The following PKD1L1 variants were observed in gnomAD, a reference collection of about 807,000 sequenced individuals.
The protein encoded by PKD1L1 is polycystin 1 like 1, transient receptor potential channel interacting.
PKD1L1 carries 236 observed loss-of-function variants against 323.4 expected under a neutral mutation model. The ratio of observed to expected loss-of-function variants is 0.73; its 90% confidence interval spans 0.66 to 0.81. The LOEUF (loss-of-function observed/expected upper bound fraction) is 0.81, where lower values mean the gene tolerates loss of function less well. PKD1L1 is among the 40% of genes least tolerant of loss of function. The probability of loss-of-function intolerance (pLI) is 0.00; values close to 1 mark genes in which losing one functional copy is unlikely to be tolerated. For missense variants in PKD1L1, 3,320 were observed against 3,508.0 expected, an observed-to-expected ratio of 0.95 and a Z score of 1.35; for synonymous variants, 1,344 against 1,335.0, an observed-to-expected ratio of 1.01 and a Z score of -0.15.
intron 56 of PKD1L1, among the ~76,000 whole-genome samples, chr7:47,779,855 T>A (rs963581265): frequency 6.6e-6 from 1 of 152,266 alleles, no homozygotes; most frequent in Admixed American, 6.5e-5. Flanking sequence ...GGATAAACCA[T>A]GGGCTGGGTG....
rs897896232 is a variant in PKD1L1, at chr7:47,946,373, TCACAC to T, written c.44+2019_44+2023del. ...TACCACACAAACACACACCACACAC[TCACAC>T]CACACCACACTCACACCACACAAAC... On this transcript the variant is annotated intron_variant, in intron 1 of 56. Coordinates refer to ENST00000289672, the MANE Select transcript of PKD1L1 (RefSeq NM_138295.5). This position sits in a 1 kb window ranked among gnomAD's most constrained non-coding sequence, Gnocchi z 4.1. Among the ~76,000 whole-genome samples, 19 of 147,976 alleles carry T rather than the reference TCACAC, an allele frequency of 1.3e-4. No individual in the cohort carries two copies. The highest frequency in any genetic ancestry group is 1.8e-4 in the Non-Finnish European group (12 of 66,844).
chr7:47,854,330 C>G (rs1006492986), intron 30 of PKD1L1, among the ~76,000 whole-genome samples: 2 of 152,028 alleles, frequency 1.3e-5, no homozygotes, highest in Non-Finnish European at 2.9e-5. Context: ...TGATCAAGGC[C>G]CTGCCCATCC....
rs139117336 is a variant in PKD1L1 at position 47,858,698 on chromosome 7, A to G, written c.4337T>C (p.Ile1446Thr). ...KEEVYRHEEG[I>T]TVISDLLLGC... ...CAACAATAAATCTGAGATGACTGTA[A>G]TTCCTTCTTCATGTCGATAGACTTC... Residue 1446 changes from isoleucine to threonine, a missense_variant, in exon 27 of 57, where the codon ATT becomes ACT. Coordinates refer to ENST00000289672, the MANE Select transcript of PKD1L1 (RefSeq NM_138295.5). 4.9e-5 allele frequency: 79 copies of G among 1,613,568 alleles called. No individual in the cohort carries two copies. The highest frequency in any genetic ancestry group is 1.6e-4 in the Middle Eastern group (1 of 6,084).
In PKD1L1 at chr7:47,898,021, G is replaced by C. The variant is rs1333548941; in HGVS notation, c.2238C>G (p.Thr746=). Residue 746 remains threonine (T), a synonymous_variant, in exon 14 of 57, where the codon ACC becomes ACG. Coordinates refer to ENST00000289672, the MANE Select transcript of PKD1L1 (RefSeq NM_138295.5). ...HRQTLILPSH[T]LEYGNYTALA... Reference sequence around the variant, plus strand: ...GGGCAGTGTAGTTCCCATACTCCAAGGTGTGGCTCGGGAGGATGAGGGTCT... The same window carrying C: ...GGGCAGTGTAGTTCCCATACTCCAACGTGTGGCTCGGGAGGATGAGGGTCT... 6.2e-7 allele frequency: 1 copy of C among 1,612,938 alleles called. No homozygotes were observed. Among genetic ancestry groups the C allele is most frequent in the Admixed American group, 1.7e-5 (1 of 59,996 alleles).
intron 8 of PKD1L1, among the ~76,000 whole-genome samples, chr7:47,912,715 C>G (rs552608977): frequency 6.8e-6 from 1 of 146,582 alleles, no homozygotes; most frequent in African/African-American, 2.5e-5. Context: ...ACCTGGGAGG[C>G]TGAGGCATGA....
At chr7:47,931,377 AG>A in intron 5 of PKD1L1, 56 bp from the exon 6 acceptor site, 6 of 1,559,180 alleles carry the variant, frequency 3.8e-6, no homozygotes, top group Non-Finnish European at 4.4e-6. Context: ...TGGCATCAGT[AG>A]CTGATGTCCG....
chr7:47,788,129 TAA>T (rs376520194), intron 56 of PKD1L1, among the ~76,000 whole-genome samples: 5 of 151,254 alleles, frequency 3.3e-5, no homozygotes, highest in Admixed American at 2.0e-4. Context: ...CTATTTTTTT[TAA>T]AAATATCGAT....
rs769107717 is a variant in PKD1L1 at position 47,905,980 on chromosome 7, G to T, written c.1403-18C>A. On this transcript the variant is annotated intron_variant, in intron 9 of 56. Transcript: ENST00000289672. Reference sequence around the variant, plus strand: ...CACAGTGCCTAAAATGAGAAAAAAAGGAGATAAGAGAAAAAGTCTTAAAAT... The same window carrying T: ...CACAGTGCCTAAAATGAGAAAAAAATGAGATAAGAGAAAAAGTCTTAAAAT... 18 of 1,565,074 alleles carry T rather than the reference G, an allele frequency of 1.2e-5. No individual in the cohort carries two copies. The highest frequency in any genetic ancestry group is 1.4e-5 in the Non-Finnish European group (16 of 1,157,586).
chr7:47,807,914 G>A (rs538168454), intron 52 of PKD1L1, among the ~76,000 whole-genome samples: 2 of 152,262 alleles, frequency 1.3e-5, no homozygotes, highest in Admixed American at 1.3e-4. Flanking sequence ...AGAAAATGGT[G>A]TGTCTAAGCA....
intron 21 of PKD1L1, among the ~76,000 whole-genome samples, chr7:47,878,854 A>G (rs1031868298): frequency 1.3e-5 from 2 of 152,158 alleles, no homozygotes; most frequent in Admixed American, 6.5e-5. Flanking sequence ...CTGACAGGAG[A>G]CCTGGAGCCT....
Position 47,792,752 on chromosome 7 carries a change from T to G in PKD1L1, c.8401A>C (p.Met2801Leu), listed in dbSNP as rs1317566356. 1.2e-6 allele frequency: 2 copies of G among 1,614,024 alleles called. No homozygotes were observed. The highest frequency in any genetic ancestry group is 1.7e-6 in the Non-Finnish European group (2 of 1,179,968). The stretch of plus-strand genomic sequence containing the variant: ...CTGTCGGACAAACCATTAATCTTCA[T>G]CAGAAGTTCGTCTAACAGATTTGCA... The part of the protein sequence containing the change: ...EFANLLDELL[M>L]KINGLSDSLQ... Residue 2801 changes from methionine to leucine, a missense_variant, in exon 56 of 57, where the codon ATG (methionine) becomes CTG (leucine). Coordinates refer to ENST00000289672, the MANE Select transcript of PKD1L1 (RefSeq NM_138295.5).
intron 1 of PKD1L1, among the ~76,000 whole-genome samples, 167 bp from the exon 2 acceptor site, chr7:47,943,678 A>G (rs1563002140): frequency 6.6e-6 from 1 of 152,198 alleles, no homozygotes. Flanking sequence ...GGTTCTTTTC[A>G]CTTCATATTT....
At chr7:47,940,388 A>G in intron 2 of PKD1L1, 71 bp from the exon 3 acceptor site, 1 of 1,531,790 alleles carries the variant, frequency 6.5e-7, no homozygotes, top group South Asian at 1.2e-5. Flanking sequence ...ATAAAGCTGG[A>G]GAAGCCCTAA....
At chr7:47,780,932 T>C (rs1230501933) in intron 56 of PKD1L1, among the ~76,000 whole-genome samples, 1 of 152,220 alleles carries the variant, frequency 6.6e-6, no homozygotes, top group African/African-American at 2.4e-5. Context: ...ATCCAGATAA[T>C]TTCTGGGCGA....
chr7:47,887,805 G>C lies in PKD1L1; in HGVS notation c.2836+185C>G, dbSNP rs884596. On this transcript the variant is annotated intron_variant, in intron 17 of 56. Coordinates refer to ENST00000289672, the MANE Select transcript of PKD1L1 (RefSeq NM_138295.5). ...CCTTGAGTGTGTCACCTCTTCTGCT[G>C]GTGCCTCACAAGTGTTCACACGGAC... is the stretch of plus-strand genomic sequence containing the variant. 0.36 allele frequency among the ~76,000 whole-genome samples: 55,025 copies of C among 152,094 alleles called. 10,538 individuals are homozygous for C. Among genetic ancestry groups the C allele is most frequent in the East Asian group, 0.56 (2,866 of 5,160 alleles).
chr7:47,920,041 G>A (rs1486680646), intron 7 of PKD1L1, among the ~76,000 whole-genome samples: 1 of 151,960 alleles, frequency 6.6e-6, no homozygotes, highest in Non-Finnish European at 1.5e-5. Flanking sequence ...AGGAATAAAG[G>A]GCATCCAAAT....
At chr7:47,898,903 A>T (rs1157741521) in intron 13 of PKD1L1, among the ~76,000 whole-genome samples, 1 of 152,106 alleles carries the variant, frequency 6.6e-6, no homozygotes, top group Non-Finnish European at 1.5e-5. Flanking sequence ...TTTGCTAAAA[A>T]AAAAAAAGGA....
chr7:47,818,203 G>A (rs75126326), intron 46 of PKD1L1: 23,013 of 1,359,656 alleles, frequency 0.017, 260 homozygotes, highest in Non-Finnish European at 0.018. Context: ...AAGGTGAGCA[G>A]ATACATCTCT....
rs891154092 is a variant in PKD1L1 at position 47,821,744 on chromosome 7, G to A, written c.6855-558C>T. On this transcript the variant is annotated intron_variant, in intron 45 of 56. Transcript: ENST00000289672. ...GCTCTGTTACCTAGACTGGAGTGCAGTGGCACAATCTCAGCTCATTGCAAC... is the reference window on the plus strand; with the variant it reads ...GCTCTGTTACCTAGACTGGAGTGCAATGGCACAATCTCAGCTCATTGCAAC... Among the ~76,000 whole-genome samples the A allele has an allele frequency of 7.3e-5, 11 of 150,290 alleles. No individual in the cohort carries two copies. The East Asian group carries it at 2.2e-3, about 30-fold the overall frequency.
Sources: gnomAD v4.1 joint callset for allele counts (sites outside exome capture counted in the v4.1 genomes callset) on GRCh38, gnomAD v4.1.1 for gene constraint, Gnocchi (gnomAD v3.1) non-coding constraint, MANE v1.5 for transcripts, NCBI Gene and HGNC (gene_info 2026-07-23, HGNC 2026-07-21) for gene names.